The following NHSL2 variants were observed in gnomAD, a reference collection of about 807,000 sequenced individuals.
NHSL2 encodes the protein NHS like 2, also known as NHS-like protein 2.
NHSL2 carries 27 observed loss-of-function variants against 53.4 expected under a neutral mutation model. That is an observed-to-expected ratio of 0.51 (90% CI 0.37 to 0.70). NHSL2 has a LOEUF of 0.70. Ranked by LOEUF, NHSL2 falls within the 30% of genes least tolerant of loss-of-function variation. The pLI is 0.00. For synonymous variants in NHSL2, 408 were observed against 404.1 expected (o/e 1.01, Z -0.12); for missense variants, 892 against 980.1 (o/e 0.91, Z 1.20).
intron 1 of NHSL2, among the ~76,000 whole-genome samples, chrX:72,118,324 ATTAT>A (rs1181040760): frequency 8.9e-6 from 1 of 112,118 alleles, no homozygotes; most frequent in East Asian, 2.8e-4. Context: ...GATTTGGATT[ATTAT>A]TTGTCTTTCT....
chrX:71,937,226 G>A (rs953486090), intron 1 of NHSL2, among the ~76,000 whole-genome samples: 7 of 111,543 alleles, frequency 6.3e-5, no homozygotes, highest in Non-Finnish European at 1.3e-4. Context: ...AGAACAAAAA[G>A]GTGGAGCTCA....
At chrX:72,026,077 C>T (rs2042183892) in intron 1 of NHSL2, among the ~76,000 whole-genome samples, 1 of 112,191 alleles carries the variant, frequency 8.9e-6, no homozygotes, top group Admixed American at 9.4e-5. Context: ...AGACTCAGGG[C>T]TCCTGGAAGA....
At chrX:71,992,573 G>C (rs1281346052) in intron 1 of NHSL2, among the ~76,000 whole-genome samples, 1 of 112,565 alleles carries the variant, frequency 8.9e-6, no homozygotes, top group Non-Finnish European at 1.9e-5. Context: ...CAAATAGAAT[G>C]GATAAAGCAA....
At chrX:71,989,779 A>G (rs971723866) in intron 1 of NHSL2, among the ~76,000 whole-genome samples, 3 of 112,422 alleles carry the variant, frequency 2.7e-5, no homozygotes, top group African/African-American at 9.7e-5. Context: ...CTGAAGGCAA[A>G]TGAACCATCC....
At chrX:71,961,853 G>C (rs767634176) in intron 1 of NHSL2, among the ~76,000 whole-genome samples, 1 of 111,536 alleles carries the variant, frequency 9.0e-6, no homozygotes, top group African/African-American at 3.3e-5. Flanking sequence ...ATTTTTAGTA[G>C]AGACAAGATT....
At chrX:72,054,030 C>G (rs1177077894) in intron 1 of NHSL2, among the ~76,000 whole-genome samples, 1 of 110,998 alleles carries the variant, frequency 9.0e-6, no homozygotes, top group Non-Finnish European at 1.9e-5. Flanking sequence ...AAGGACTTGG[C>G]CATCATGAAG....
At chrX:72,031,585 TAAAGTGCC>T (rs1274823533) in intron 1 of NHSL2, among the ~76,000 whole-genome samples, 1 of 111,773 alleles carries the variant, frequency 8.9e-6, no homozygotes, top group Non-Finnish European at 1.9e-5. Flanking sequence ...GAGATGGGAT[TAAAGTGCC>T]AACCTTGTCA....
chrX:71,969,306 CTT>C (rs775716586), intron 1 of NHSL2, among the ~76,000 whole-genome samples: 1 of 80,887 alleles, frequency 1.2e-5, no homozygotes, highest in Non-Finnish European at 2.4e-5. Context: ...TTCTTTTTTT[CTT>C]TTTTTTTTTT....
Position 72,082,838 on chromosome X carries a change from A to G in NHSL2, c.281-49241A>G, listed in dbSNP as rs757171164. ...CCAGGCTGAAGAGCGCAGCAGTTTG[A>G]TATCTCTGATGGTGCCCCATGCTCT... On this transcript the variant is annotated intron_variant, in intron 1 of 7. Coordinates refer to ENST00000633930, the MANE Select transcript of NHSL2 (RefSeq NM_001013627.3). Among the ~76,000 whole-genome samples the G allele has an allele frequency of 5.3e-5, 6 of 112,423 alleles. No homozygotes were observed. The East Asian group carries it at 1.7e-3, about 31-fold the overall frequency.
At chrX:72,066,523 G>C (rs1464257224) in intron 1 of NHSL2, among the ~76,000 whole-genome samples, 1 of 111,493 alleles carries the variant, frequency 9.0e-6, no homozygotes, top group Non-Finnish European at 1.9e-5. Flanking sequence ...TTACAGAGAG[G>C]AGGAGGTGAG....
chrX:72,078,687 C>T (rs917506921), intron 1 of NHSL2, among the ~76,000 whole-genome samples: 7 of 112,018 alleles, frequency 6.2e-5, no homozygotes, highest in Admixed American at 5.7e-4. Context: ...ACAGTGCTTA[C>T]GCCTCGGACT....
chrX:72,060,294 G>T (rs2042392753), intron 1 of NHSL2, among the ~76,000 whole-genome samples: 1 of 111,816 alleles, frequency 8.9e-6, no homozygotes, highest in African/African-American at 3.3e-5. Context: ...ACATAGAGGG[G>T]CTCTGTCAAC....
At chrX:72,062,889 T>C (rs2042406638) in intron 1 of NHSL2, among the ~76,000 whole-genome samples, 1 of 111,821 alleles carries the variant, frequency 8.9e-6, no homozygotes, top group African/African-American at 3.3e-5. Context: ...CTAATATCAG[T>C]GCATAGGACA....
At chrX:72,103,367 C>T (rs905074701) in intron 1 of NHSL2, among the ~76,000 whole-genome samples, 3 of 112,053 alleles carry the variant, frequency 2.7e-5, no homozygotes, top group Admixed American at 9.5e-5. Flanking sequence ...TTGCTGGCAC[C>T]CCAGGCCAAG....
chrX:71,985,260 C>T (rs191804562), intron 1 of NHSL2, among the ~76,000 whole-genome samples: 105 of 111,806 alleles, frequency 9.4e-4, no homozygotes, highest in Middle Eastern at 4.6e-3. Context: ...GGCTCCTGGG[C>T]CTGTCAGAAG....
rs772350822 is a variant in NHSL2 at position 72,090,071 on chromosome X, G to A, written c.281-42008G>A. On this transcript the variant is annotated intron_variant, in intron 1 of 7. Transcript: ENST00000633930. ...GCTGTTTGTTTGTTTGTTTTGTTTT[G>A]TTTTGTTTTTGAGACTGGGTCTTGC... Among the ~76,000 whole-genome samples the A allele has an allele frequency of 2.8e-3, 311 of 110,678 alleles. 1 individual carries two copies. Among genetic ancestry groups the A allele is most frequent in the African/African-American group, 9.6e-3 (291 of 30,427 alleles).
rs1461388243 is a variant in NHSL2 at position 72,132,111 on chromosome X, G to A, written c.313G>A (p.Ala105Thr). Residue 105 changes from alanine to threonine, a missense_variant, in exon 2 of 8, where the codon GCG becomes ACG. Physicochemically the swap from Ala to Thr is moderately conservative, Grantham distance 58 (BLOSUM62 0). Coordinates refer to ENST00000633930, the MANE Select transcript of NHSL2 (RefSeq NM_001013627.3). ...AANSGRENATATAHSRSSWRQ... is the reference protein window; with the variant it reads ...AANSGRENATTTAHSRSSWRQ... ...TAACTCGGGTCGGGAAAATGCGACA[G>A]CGACTGCCCACTCGAGGTCGTCATG... The A allele has an allele frequency of 1.5e-5, 17 of 1,166,943 alleles. No individual in the cohort carries two copies. The highest frequency in any genetic ancestry group is 1.9e-5 in the Non-Finnish European group (17 of 872,356).
chrX:72,018,199 T>C (rs2042143222), intron 1 of NHSL2, among the ~76,000 whole-genome samples: 2 of 111,589 alleles, frequency 1.8e-5, no homozygotes, highest in African/African-American at 6.5e-5. Flanking sequence ...TTTGCTTGTG[T>C]GGGGGTGAGG....
At chrX:72,001,393 C>T (rs761233723) in intron 1 of NHSL2, among the ~76,000 whole-genome samples, 18 of 111,409 alleles carry the variant, frequency 1.6e-4, no homozygotes, top group Non-Finnish European at 3.2e-4. Context: ...TTGTTCTTCT[C>T]ATAGACTTTT....
Sources: gnomAD v4.1 joint callset for allele counts (sites outside exome capture counted in the v4.1 genomes callset) on GRCh38, gnomAD v4.1.1 for gene constraint, MANE v1.5 for transcripts, NCBI Gene and HGNC (gene_info 2026-07-23, HGNC 2026-07-21) for gene names.